The following DGKG variants were observed in gnomAD, a reference collection of about 807,000 sequenced individuals.
DGKG encodes the protein diacylglycerol kinase gamma.
A neutral mutation model predicts 105.3 loss-of-function variants in DGKG; 78 were observed. The ratio of observed to expected loss-of-function variants is 0.74; its 90% CI spans 0.62 to 0.89. The LOEUF (loss-of-function observed/expected upper bound fraction) is 0.89, where lower values mean the gene tolerates loss of function less well. DGKG is among the 40% of genes least tolerant of loss of function. The probability of loss-of-function intolerance (pLI) is 0.00; values close to 1 mark genes in which losing one functional copy is unlikely to be tolerated. For synonymous variants in DGKG, 346 were observed against 367.1 expected, an observed-to-expected ratio of 0.94 and a Z score of 0.66; for missense variants, 958 against 1,020.1, an observed-to-expected ratio of 0.94 and a Z score of 0.83.
At chr3:186,207,312 C>A in intron 21 of DGKG, 1 of 235,020 alleles carries the variant, frequency 4.3e-6, no homozygotes, top group Non-Finnish European at 7.0e-6. Context: ...CTGCTCTAGA[C>A]TGAGCTTCTC....
Position 186,268,869 on chromosome 3 carries a change from G to A in DGKG, c.1048C>T (p.Arg350Trp), listed in dbSNP as rs755842697. The A allele has an allele frequency of 1.1e-5, 18 of 1,613,902 alleles. No homozygotes were observed. Among genetic ancestry groups the A allele is most frequent in the African/African-American group, 8.0e-5 (6 of 74,930 alleles). Residue 350 changes from arginine (R) to tryptophan (W), a missense_variant, in exon 12 of 25, where the codon CGG (arginine) becomes TGG (tryptophan). Coordinates refer to ENST00000265022, the MANE Select transcript of DGKG (RefSeq NM_001346.3). ...TAGCACTTGATACTTTTGTGGCACC[G>A]GTCACACTTGACGGAGGAGTTCCCT... Reference protein sequence around the residue: ...VEGNSSVKCDRCHKSIKCYQS... With the variant: ...VEGNSSVKCDWCHKSIKCYQS...
chr3:186,302,700 A>G (rs1178050132), intron 3 of DGKG, among the ~76,000 whole-genome samples: 1 of 151,718 alleles, frequency 6.6e-6, no homozygotes, highest in Non-Finnish European at 1.5e-5. Flanking sequence ...CTGGGCACCA[A>G]TGAATTAGGC....
At chr3:186,319,728 G>T (rs553421860) in intron 2 of DGKG, among the ~76,000 whole-genome samples, 1 of 149,380 alleles carries the variant, frequency 6.7e-6, no homozygotes, top group East Asian at 1.9e-4. Flanking sequence ...AGTAACCTGA[G>T]GGGACAAGCC....
intron 22 of DGKG, among the ~76,000 whole-genome samples, chr3:186,187,067 G>A (rs761245211): frequency 6.6e-6 from 1 of 152,220 alleles, no homozygotes; most frequent in Non-Finnish European, 1.5e-5. Context: ...GGTCTGGGAG[G>A]TAATGAGAGG....
intron 1 of DGKG, among the ~76,000 whole-genome samples, chr3:186,356,640 C>A (rs559697167): frequency 1.6e-4 from 25 of 152,060 alleles, no homozygotes; most frequent in Non-Finnish European, 1.3e-4. Flanking sequence ...AAATTTTGCA[C>A]TTTATTCTTT....
intron 20 of DGKG, among the ~76,000 whole-genome samples, chr3:186,218,504 A>AG (rs1719413620): frequency 1.4e-5 from 2 of 147,272 alleles, no homozygotes; most frequent in Non-Finnish European, 3.0e-5. Context: ...CTCCGTCTGA[A>AG]AAAAAAAAAA....
At chr3:186,243,400 G>T (rs1011870405) in intron 19 of DGKG, among the ~76,000 whole-genome samples, 16 of 151,972 alleles carry the variant, frequency 1.1e-4, no homozygotes, top group African/African-American at 3.6e-4. Flanking sequence ...GTGCTCCTGG[G>T]CTCTCCATCC....
At chr3:186,342,113 G>A (rs7620741) in intron 1 of DGKG, among the ~76,000 whole-genome samples, 11,046 of 152,040 alleles carry the variant, frequency 0.073, 1,325 homozygotes, top group African/African-American at 0.25. Context: ...ACATGTATAC[G>A]TATGTAACTA....
intron 2 of DGKG, among the ~76,000 whole-genome samples, chr3:186,315,671 A>AT (rs1724785473): frequency 6.6e-6 from 1 of 152,194 alleles, no homozygotes; most frequent in East Asian, 1.9e-4. Context: ...TAAAAAAAAA[A>AT]AAAAATCTCT....
At position 186,254,905 on chromosome 3, in the gene DGKG, C is replaced by A. The variant is rs141099707; in HGVS notation, c.1511-1723G>T. Among the ~76,000 whole-genome samples, 253 of 152,328 alleles carry A rather than the reference C, an allele frequency of 1.7e-3. 5 individuals carry two copies. Among genetic ancestry groups the A allele is most frequent in the African/African-American group, 5.9e-3 (246 of 41,574 alleles). On this transcript the variant is annotated intron_variant, in intron 17 of 24. Coordinates refer to ENST00000265022, the MANE Select transcript of DGKG (RefSeq NM_001346.3). ...TACCACAGTAGGCCCAGGAAGCAGGCTCTGCCTTTCTCCCTAGCCTCATCC... is the reference window on the plus strand; with the variant it reads ...TACCACAGTAGGCCCAGGAAGCAGGATCTGCCTTTCTCCCTAGCCTCATCC...
At position 186,149,897 on chromosome 3, in the gene DGKG, T is replaced by C; in HGVS notation, c.*193A>G. The C allele has an allele frequency of 1.4e-6, 2 of 1,404,300 alleles. No individual in the cohort carries two copies. Among genetic ancestry groups the C allele is most frequent in the Non-Finnish European group, 1.8e-6 (2 of 1,084,208 alleles). The allele number at this position is 1,404,300 out of a possible 1,614,324, so 87.0% of individuals were successfully genotyped here. A position where few individuals can be genotyped will look rare whatever the true frequency, so the allele number is the denominator to read the frequency against. On this transcript the variant is annotated 3_prime_UTR_variant, in exon 25 of 25. Coordinates refer to ENST00000265022, the MANE Select transcript of DGKG (RefSeq NM_001346.3). ...GTTGGCACTGGCTCTGTTAGGGGTG[T>C]ACCCACTGTTGAAACAGAATGTATG... is the stretch of plus-strand genomic sequence containing the variant.
chr3:186,310,289 A>AAG (rs1724473778), intron 2 of DGKG, among the ~76,000 whole-genome samples: 1 of 136,368 alleles, frequency 7.3e-6, no homozygotes, highest in African/African-American at 2.7e-5. Context: ...AAAAAAAAAA[A>AAG]CCACACACAC....
chr3:186,187,781 G>A (rs949003416), intron 22 of DGKG, among the ~76,000 whole-genome samples: 3 of 152,154 alleles, frequency 2.0e-5, no homozygotes, highest in Non-Finnish European at 4.4e-5. Context: ...ACAAGTGAGC[G>A]GGGAGGAAAA....
At chr3:186,303,973 T>G (rs1724100306) in intron 3 of DGKG, among the ~76,000 whole-genome samples, 1 of 152,210 alleles carries the variant, frequency 6.6e-6, no homozygotes. Context: ...CTACTAGAAG[T>G]CAGCTGCACT....
intron 1 of DGKG, among the ~76,000 whole-genome samples, chr3:186,345,387 T>C (rs987649226): frequency 6.6e-6 from 1 of 152,244 alleles, no homozygotes; most frequent in Non-Finnish European, 1.5e-5. Context: ...TTAATTGTTA[T>C]AACTGAGTTG....
At chr3:186,280,154 C>T (rs918792683) in intron 8 of DGKG, among the ~76,000 whole-genome samples, 181 bp from the exon 9 acceptor site, 18 of 152,196 alleles carry the variant, frequency 1.2e-4, no homozygotes, top group African/African-American at 4.3e-4. Context: ...TCTGGCTCTG[C>T]CCTTGGGCCT....
chr3:186,217,738 G>A (rs537253737), intron 20 of DGKG, among the ~76,000 whole-genome samples: 2 of 152,318 alleles, frequency 1.3e-5, no homozygotes, highest in South Asian at 2.1e-4. Flanking sequence ...TACCAGCAGA[G>A]GCTACGCACT....
chr3:186,229,408 C>T (rs977473120), intron 20 of DGKG, among the ~76,000 whole-genome samples: 9 of 151,992 alleles, frequency 5.9e-5, no homozygotes, highest in African/African-American at 2.2e-4. Context: ...CCATGCCCGG[C>T]TAATTTTTGT....
At chr3:186,199,329 A>C (rs1210335186) in intron 21 of DGKG, among the ~76,000 whole-genome samples, 1 of 152,174 alleles carries the variant, frequency 6.6e-6, no homozygotes, top group Non-Finnish European at 1.5e-5. Flanking sequence ...CTTCTCCTGC[A>C]TTCAGAGGTG....
Sources: allele counts gnomAD v4.1 joint callset (sites outside exome capture counted in the v4.1 genomes callset), GRCh38; gene constraint gnomAD v4.1.1; transcripts MANE v1.5; gene names NCBI Gene and HGNC (gene_info 2026-07-23, HGNC 2026-07-21).